The following PLCXD3 variants were observed in gnomAD, a reference collection of about 807,000 sequenced individuals.
PLCXD3 encodes PI-PLC X domain-containing protein 3.
A neutral mutation model predicts 25.5 loss-of-function variants in PLCXD3; 19 were observed. The ratio of observed to expected loss-of-function variants is 0.75; its 90% CI spans 0.52 to 1.09. PLCXD3 has a LOEUF of 1.09. Ranked by LOEUF, PLCXD3 falls within the 50% of genes least tolerant of loss-of-function variation. The pLI is 0.00. For synonymous variants in PLCXD3, 174 were observed against 137.6 expected, an observed-to-expected ratio of 1.26 and a Z score of -1.85; for missense variants, 411 against 388.1, an observed-to-expected ratio of 1.06 and a Z score of -0.50.
At chr5:41,496,337 G>A (rs965380504) in intron 1 of PLCXD3, among the ~76,000 whole-genome samples, 3 of 151,898 alleles carry the variant, frequency 2.0e-5, no homozygotes, top group East Asian at 1.9e-4. Flanking sequence ...CAAATATGAG[G>A]AAAGAAATAG....
chr5:41,492,192 G>T (rs1202525314), intron 1 of PLCXD3, among the ~76,000 whole-genome samples: 10 of 152,182 alleles, frequency 6.6e-5, no homozygotes, highest in Non-Finnish European at 1.0e-4. Context: ...CTTCACTTAT[G>T]AAGCTTAGTT....
In PLCXD3 at chr5:41,309,031, CA is replaced by C. The variant is rs1743063499; in HGVS notation, c.*4585del. The C allele has an allele frequency of 6.6e-6, 1 of 152,376 alleles. No individual in the cohort carries two copies. The highest frequency in any genetic ancestry group is 2.4e-5 in the African/African-American group (1 of 41,410). The allele number at this position is 152,376 out of a possible 1,614,324, so 9.4% of individuals were successfully genotyped here. A position where few individuals can be genotyped will look rare whatever the true frequency, so the allele number is the denominator to read the frequency against. ...TTTTAAATCCAAATTGCAAAAACAA[CA>C]AAAAAGTGTTAATAAATTAAGGCTG... is the stretch of plus-strand genomic sequence containing the variant. On this transcript the variant is annotated 3_prime_UTR_variant, in exon 3 of 3. Coordinates refer to ENST00000377801, the MANE Select transcript of PLCXD3 (RefSeq NM_001005473.3).
chr5:41,477,209 T>C (rs910573630), intron 1 of PLCXD3, among the ~76,000 whole-genome samples: 5 of 152,162 alleles, frequency 3.3e-5, no homozygotes, highest in Non-Finnish European at 5.9e-5. Context: ...AATAATATGT[T>C]ACCCTAACAG....
intron 1 of PLCXD3, among the ~76,000 whole-genome samples, chr5:41,474,903 C>T (rs1748247082): frequency 6.6e-6 from 1 of 152,188 alleles, no homozygotes; most frequent in South Asian, 2.1e-4. Flanking sequence ...GCAACCCGTT[C>T]TCTGACTGGG....
chr5:41,489,705 G>T (rs964485000), intron 1 of PLCXD3, among the ~76,000 whole-genome samples: 37 of 152,114 alleles, frequency 2.4e-4, no homozygotes, highest in Non-Finnish European at 1.3e-4. Flanking sequence ...GTGTGTGAAT[G>T]GGAGTTCACT....
At chr5:41,401,206 T>C (rs1746176278) in intron 1 of PLCXD3, among the ~76,000 whole-genome samples, 1 of 152,058 alleles carries the variant, frequency 6.6e-6, no homozygotes, top group Admixed American at 6.6e-5. Flanking sequence ...GCAAAAGTTT[T>C]ATTTTTTATG....
At chr5:41,475,985 C>A (rs1320045699) in intron 1 of PLCXD3, among the ~76,000 whole-genome samples, 1 of 152,154 alleles carries the variant, frequency 6.6e-6, no homozygotes, top group East Asian at 1.9e-4. Flanking sequence ...GAGGAGGTAA[C>A]AATTGGTCAG....
At chr5:41,459,563 A>C (rs1747828856) in intron 1 of PLCXD3, among the ~76,000 whole-genome samples, 1 of 151,840 alleles carries the variant, frequency 6.6e-6, no homozygotes, top group Non-Finnish European at 1.5e-5. Context: ...GGATATCAAT[A>C]CCAAATTAAT....
chr5:41,379,901 G>A (rs1039695989), intron 2 of PLCXD3, among the ~76,000 whole-genome samples: 1 of 152,034 alleles, frequency 6.6e-6, no homozygotes, highest in African/African-American at 2.4e-5. Context: ...AGAAATCATA[G>A]AGAAAGTCAT....
At chr5:41,371,038 G>A (rs995754364) in intron 2 of PLCXD3, among the ~76,000 whole-genome samples, 2 of 152,136 alleles carry the variant, frequency 1.3e-5, no homozygotes, top group African/African-American at 4.8e-5. Flanking sequence ...CAAGTTGACT[G>A]AAAATATAGC....
intron 1 of PLCXD3, among the ~76,000 whole-genome samples, chr5:41,386,852 C>T (rs1455951836): frequency 6.6e-6 from 1 of 151,766 alleles, no homozygotes; most frequent in African/African-American, 2.4e-5. Context: ...TTGCCATTGC[C>T]TCCCCTTCTG....
intron 1 of PLCXD3, among the ~76,000 whole-genome samples, chr5:41,414,893 T>A (rs1327635027): frequency 6.6e-6 from 1 of 152,228 alleles, no homozygotes; most frequent in Non-Finnish European, 1.5e-5. Context: ...GGGCTTGTGT[T>A]TAAATAACTC....
chr5:41,381,677 C>A (rs1580338287), intron 2 of PLCXD3, 149 bp downstream of exon 2: 2 of 669,840 alleles, frequency 3.0e-6, no homozygotes, highest in South Asian at 2.5e-5. Flanking sequence ...TATTTTTATT[C>A]TTTTAAGAAA....
intron 1 of PLCXD3, among the ~76,000 whole-genome samples, chr5:41,505,929 G>A (rs1749044514): frequency 6.6e-6 from 1 of 152,178 alleles, no homozygotes; most frequent in African/African-American, 2.4e-5. Context: ...GCAATAGAAA[G>A]GGCCTAGTAA....
chr5:41,338,173 C>CA (rs1179792380), intron 2 of PLCXD3, among the ~76,000 whole-genome samples: 5 of 152,126 alleles, frequency 3.3e-5, no homozygotes, highest in Admixed American at 1.3e-4. Flanking sequence ...ATATTCTCTA[C>CA]AAAAAATGTT....
intron 1 of PLCXD3, among the ~76,000 whole-genome samples, chr5:41,464,935 A>G (rs1178175620): frequency 2.0e-5 from 3 of 151,980 alleles, no homozygotes; most frequent in African/African-American, 7.2e-5. Flanking sequence ...TTTTTATTTC[A>G]ATAACTACTT....
intron 1 of PLCXD3, among the ~76,000 whole-genome samples, chr5:41,419,119 AG>A (rs35140356): frequency 0.19 from 29,317 of 151,942 alleles, 3,598 homozygotes; most frequent in Non-Finnish European, 0.28. Flanking sequence ...TGGCAGAGGC[AG>A]GGGGTGGGGG....
chr5:41,424,688 T>C (rs2150506925), intron 1 of PLCXD3, among the ~76,000 whole-genome samples: 1 of 152,380 alleles, frequency 6.6e-6, no homozygotes, highest in Non-Finnish European at 1.5e-5. Flanking sequence ...TTTTTCTGTA[T>C]TTTATTTATT....
chr5:41,491,879 T>C (rs1455072849), intron 1 of PLCXD3, among the ~76,000 whole-genome samples: 4 of 152,186 alleles, frequency 2.6e-5, no homozygotes, highest in East Asian at 1.9e-4. Context: ...GGGTCTTGAC[T>C]CTTTATCGCA....
Sources: gnomAD v4.1 joint callset for allele counts (sites outside exome capture counted in the v4.1 genomes callset) on GRCh38, gnomAD v4.1.1 for gene constraint, MANE v1.5 for transcripts, NCBI Gene and HGNC (gene_info 2026-07-23, HGNC 2026-07-21) for gene names.